Variants in HMG20A observed in about 807,000 individuals in gnomAD.
HMG20A encodes high mobility group 20A, also known as high mobility group protein 20A.
HMG20A carries 17 observed loss-of-function variants against 43.9 expected under a neutral mutation model. That is an observed-to-expected ratio of 0.39 (90% confidence interval 0.27 to 0.58). HMG20A has a LOEUF of 0.58. HMG20A is among the 20% of genes least tolerant of loss of function. HMG20A has a pLI of 0.59. For missense variants in HMG20A, 341 were observed against 438.2 expected, an observed-to-expected ratio of 0.78 and a Z score of 1.98; for synonymous variants, 132 against 147.5, an observed-to-expected ratio of 0.89 and a Z score of 0.76.
chr15:77,456,153 A>G, intron 1 of HMG20A, among the ~76,000 whole-genome samples: 1 of 152,160 alleles, frequency 6.6e-6, no homozygotes, highest in Non-Finnish European at 1.5e-5. Context: ...TGATCTGTTT[A>G]TATGTTGTTA....
intron 1 of HMG20A, chr15:77,447,619 A>G (rs955255573): frequency 2.6e-5 from 4 of 152,228 alleles, no homozygotes; most frequent in Non-Finnish European, 5.9e-5. Context: ...AACATGTACC[A>G]TCACATAAGG....
At chr15:77,461,509 TGA>T (rs2072704856) in intron 2 of HMG20A, among the ~76,000 whole-genome samples, 1 of 152,132 alleles carries the variant, frequency 6.6e-6, no homozygotes, top group South Asian at 2.1e-4. Context: ...CAAGAGGGTG[TGA>T]GATCAAGGGT....
chr15:77,432,388 AGAAAG>A (rs1213373803), intron 1 of HMG20A, among the ~76,000 whole-genome samples: 1 of 152,194 alleles, frequency 6.6e-6, no homozygotes, highest in Non-Finnish European at 1.5e-5. Flanking sequence ...AGTAAGTAGA[AGAAAG>A]GAAATAATAA....
At chr15:77,476,486 GAAAA>G (rs148901766) in intron 6 of HMG20A, among the ~76,000 whole-genome samples, 14 of 81,434 alleles carry the variant, frequency 1.7e-4, no homozygotes, top group East Asian at 1.1e-3. Flanking sequence ...CTCCCTCTCA[GAAAA>G]AAAAAAAAAA....
At chr15:77,497,003 T>G in the HMG20A span, among the ~76,000 whole-genome samples, 2 of 152,174 alleles carry the variant, frequency 1.3e-5, no homozygotes, top group Non-Finnish European at 2.9e-5. Flanking sequence ...CGCCCTCTGC[T>G]GTCCCGGCTA....
intron 1 of HMG20A, among the ~76,000 whole-genome samples, chr15:77,423,575 C>G (rs2073393458): frequency 6.6e-6 from 1 of 152,046 alleles, no homozygotes; most frequent in African/African-American, 2.4e-5. Context: ...ATTAGATAAC[C>G]ATTTTCTTTT....
chr15:77,450,294 C>G (rs1047534965), intron 1 of HMG20A, among the ~76,000 whole-genome samples: 1 of 152,036 alleles, frequency 6.6e-6, no homozygotes, highest in Non-Finnish European at 1.5e-5. Context: ...CCACACCCGG[C>G]TAATTTTTTG....
At chr15:77,429,609 A>G (rs2073463423) in intron 1 of HMG20A, among the ~76,000 whole-genome samples, 1 of 152,216 alleles carries the variant, frequency 6.6e-6, no homozygotes, top group South Asian at 2.1e-4. Flanking sequence ...ATAGAACTTC[A>G]TTCTGAGAAA....
At chr15:77,492,276 A>G in the HMG20A span, among the ~76,000 whole-genome samples, 1 of 152,238 alleles carries the variant, frequency 6.6e-6, no homozygotes, top group Non-Finnish European at 1.5e-5. Context: ...AACATCTGCA[A>G]TGTCTATAAT....
At chr15:77,504,882 C>T in the HMG20A span, among the ~76,000 whole-genome samples, 22 of 152,326 alleles carry the variant, frequency 1.4e-4, no homozygotes, top group African/African-American at 4.6e-4. Flanking sequence ...GCTCCATCAT[C>T]TCCTGTGTCT....
intron 1 of HMG20A, among the ~76,000 whole-genome samples, chr15:77,455,813 C>T (rs1447737030): frequency 6.6e-6 from 1 of 152,148 alleles, no homozygotes; most frequent in Non-Finnish European, 1.5e-5. Flanking sequence ...GCTTGGTAGC[C>T]GTGATTCCTT....
chr15:77,479,049 A>C, intron 8 of HMG20A, 130 bp from the exon 9 acceptor site: 2 of 821,550 alleles, frequency 2.4e-6, no homozygotes, highest in Admixed American at 2.4e-5. Context: ...GAGATCTAAA[A>C]GTCTCTCCTC....
chr15:77,468,572 T>TC (rs2072777705), intron 4 of HMG20A, among the ~76,000 whole-genome samples: 2 of 141,968 alleles, frequency 1.4e-5, no homozygotes, highest in South Asian at 2.3e-4. Context: ...TGCTCAGTCT[T>TC]TCTCTCTCTC....
In HMG20A at chr15:77,456,575, G is replaced by A. The variant is rs953306776; in HGVS notation, c.-4-1829G>A. On this transcript the variant is annotated intron_variant, in intron 1 of 9. Coordinates refer to ENST00000336216, the MANE Select transcript of HMG20A (RefSeq NM_001304504.2). ...CGTACCTGTAATCCCAGCAACTTGG[G>A]AGGCTGAAGCACAAGAATCACCTGA... 3.3e-5 allele frequency among the ~76,000 whole-genome samples: 5 copies of A among 150,486 alleles called. 1 individual carries two copies. The highest frequency in any genetic ancestry group is 7.4e-5 in the Non-Finnish European group (5 of 67,824).
chr15:77,501,173 T>C, the HMG20A span, among the ~76,000 whole-genome samples: 6 of 152,204 alleles, frequency 3.9e-5, no homozygotes, highest in Admixed American at 3.3e-4. Flanking sequence ...CAGTAGTAAG[T>C]CTGTTGAGTT....
chr15:77,496,873 T>C, the HMG20A span, among the ~76,000 whole-genome samples: 1 of 152,236 alleles, frequency 6.6e-6, no homozygotes, highest in Non-Finnish European at 1.5e-5. Flanking sequence ...GCGTGCTCAC[T>C]CGGGTGCCAA....
intron 9 of HMG20A, 155 bp downstream of exon 9, chr15:77,479,476 A>G: frequency 2.9e-6 from 2 of 678,782 alleles, no homozygotes; most frequent in African/African-American, 1.8e-5. Flanking sequence ...TAAATGTAGT[A>G]AATAATATTA....
chr15:77,429,152 A>T (rs1003101585), intron 1 of HMG20A, among the ~76,000 whole-genome samples: 1 of 152,150 alleles, frequency 6.6e-6, no homozygotes, highest in East Asian at 1.9e-4. Context: ...AGACTAACAC[A>T]GGCAACATAG....
At chr15:77,435,486 G>A (rs2073536330) in intron 1 of HMG20A, among the ~76,000 whole-genome samples, 2 of 151,894 alleles carry the variant, frequency 1.3e-5, no homozygotes, top group Admixed American at 1.3e-4. Context: ...TAGAGATGGG[G>A]TTTCACCATG....
Sources: gnomAD v4.1 joint callset for allele counts (sites outside exome capture counted in the v4.1 genomes callset) on GRCh38, gnomAD v4.1.1 for gene constraint, MANE v1.5 for transcripts, NCBI Gene and HGNC (gene_info 2026-07-23, HGNC 2026-07-21) for gene names.